The following CNKSR2 variants were observed in gnomAD, a reference collection of about 807,000 sequenced individuals.
CNKSR2 encodes the protein CNK homolog protein 2.
CNKSR2 carries 14 observed loss-of-function variants against 84.4 expected under a neutral mutation model. The ratio of observed to expected loss-of-function variants is 0.17; its 90% CI spans 0.11 to 0.26. The LOEUF is 0.26. Among genes scored for constraint, CNKSR2 ranks in the 10% least tolerant of loss-of-function variants. The pLI, the probability that CNKSR2 is intolerant of heterozygous loss-of-function variation, is 1.00. For missense variants in CNKSR2, 485 were observed against 771.2 expected, an observed-to-expected ratio of 0.63 and a Z score of 4.40; for synonymous variants, 275 against 277.9, an observed-to-expected ratio of 0.99 and a Z score of 0.10.
At chrX:21,483,800 A>G (rs1368542924) in intron 5 of CNKSR2, among the ~76,000 whole-genome samples, 2 of 109,886 alleles carry the variant, frequency 1.8e-5, no homozygotes, top group African/African-American at 3.3e-5. Flanking sequence ...TCAAGTACTA[A>G]GATACTAAAC....
At position 21,516,993 on chromosome X, in the gene CNKSR2, A is replaced by G. The variant is rs150689063; in HGVS notation, c.957+362A>G. Among the ~76,000 whole-genome samples the G allele has an allele frequency of 9.7e-3, 1,082 of 111,973 alleles. 13 individuals are homozygous for G. The highest frequency in any genetic ancestry group is 0.032 in the African/African-American group (975 of 30,829). The stretch of plus-strand genomic sequence containing the variant: ...CCCACATACTCTTTTAGAAGAAGCT[A>G]AATGATAGTTTATAGAATTCTTTTA... On this transcript the variant is annotated intron_variant, in intron 9 of 21. Transcript: ENST00000379510.
At chrX:21,397,459 GTAGCTGTCTATGA>G (rs1234134509) in intron 1 of CNKSR2, among the ~76,000 whole-genome samples, 1 of 111,143 alleles carries the variant, frequency 9.0e-6, no homozygotes, top group African/African-American at 3.3e-5. Context: ...TATAATACAA[GTAGCTGTCTATGA>G]TACACCAAAA....
chrX:21,472,112 G>A (rs1191776820), intron 5 of CNKSR2, among the ~76,000 whole-genome samples: 1 of 111,541 alleles, frequency 9.0e-6, no homozygotes, highest in Non-Finnish European at 1.9e-5. Context: ...TTTACAAATT[G>A]TACTATCTTT....
chrX:21,484,265 C>G (rs909519549), intron 5 of CNKSR2, among the ~76,000 whole-genome samples: 7 of 111,418 alleles, frequency 6.3e-5, no homozygotes, highest in African/African-American at 2.3e-4. Context: ...CCCTCCAGCC[C>G]TGGCGACAGA....
intron 11 of CNKSR2, among the ~76,000 whole-genome samples, chrX:21,547,030 A>G (rs548492049): frequency 8.9e-6 from 1 of 112,001 alleles, no homozygotes; most frequent in Non-Finnish European, 1.9e-5. Context: ...CTAATGGGCA[A>G]AATAACCAGC....
At chrX:21,557,208 A>G (rs2092147575) in intron 11 of CNKSR2, among the ~76,000 whole-genome samples, 1 of 111,296 alleles carries the variant, frequency 9.0e-6, no homozygotes. Flanking sequence ...AATGTTGTAC[A>G]CTAGCATTAA....
chrX:21,400,754 A>G (rs2090180338), intron 1 of CNKSR2, among the ~76,000 whole-genome samples: 1 of 111,464 alleles, frequency 9.0e-6, no homozygotes, highest in African/African-American at 3.2e-5. Flanking sequence ...CTGTTCTATG[A>G]ACAAAAAGTT....
At chrX:21,423,109 T>C (rs2147045637) in intron 1 of CNKSR2, among the ~76,000 whole-genome samples, 1 of 111,843 alleles carries the variant, frequency 8.9e-6, no homozygotes, top group South Asian at 3.8e-4. Flanking sequence ...TAAATATATA[T>C]TAAACAAAGA....
intron 11 of CNKSR2, chrX:21,538,376 T>C (rs2091948626): frequency 8.9e-6 from 1 of 111,928 alleles, no homozygotes. Flanking sequence ...TTCTGTGTCT[T>C]TGACTTTTGA....
intron 13 of CNKSR2, among the ~76,000 whole-genome samples, chrX:21,565,565 A>T (rs769105479): frequency 1.8e-5 from 2 of 111,367 alleles, no homozygotes; most frequent in South Asian, 7.6e-4. Flanking sequence ...GTTGACATCT[A>T]TCTCAACTAA....
intron 11 of CNKSR2, among the ~76,000 whole-genome samples, chrX:21,561,182 TA>T (rs61507460): frequency 0.25 from 23,190 of 92,296 alleles, 2,329 homozygotes; most frequent in Middle Eastern, 0.36. Flanking sequence ...TTATCTTCTT[TA>T]AAAAAAAAAA....
intron 1 of CNKSR2, among the ~76,000 whole-genome samples, chrX:21,400,883 G>T (rs2090182214): frequency 9.0e-6 from 1 of 111,399 alleles, no homozygotes; most frequent in Admixed American, 9.6e-5. Flanking sequence ...GTTTCATTAT[G>T]TGTGGGCTGA....
rs762720027 is a variant in CNKSR2, at chrX:21,446,423, A to G, written c.519+5642A>G. Among the ~76,000 whole-genome samples, 293 of 111,445 alleles carry G rather than the reference A, an allele frequency of 2.6e-3. 2 individuals carry two copies. Among genetic ancestry groups the G allele is most frequent in the African/African-American group, 8.8e-3 (271 of 30,839 alleles). The stretch of plus-strand genomic sequence containing the variant: ...GAAATTCTCATTCATGATATTAAAT[A>G]CCTAATTTTTGGCAGCTGCATATTT... On this transcript the variant is annotated intron_variant, in intron 4 of 21. Transcript: ENST00000379510.
intron 13 of CNKSR2, among the ~76,000 whole-genome samples, chrX:21,567,791 G>T (rs1251045961): frequency 1.3e-5 from 1 of 78,723 alleles, no homozygotes; most frequent in African/African-American, 4.8e-5. Context: ...AGAAGTTTTT[G>T]TGTGGTGTGT....
intron 5 of CNKSR2, among the ~76,000 whole-genome samples, chrX:21,476,950 G>A (rs1452714597): frequency 8.9e-6 from 1 of 111,818 alleles, no homozygotes; most frequent in East Asian, 2.8e-4. Flanking sequence ...GAGTTACAGA[G>A]AATCTGGAAT....
rs143427074 is a variant in CNKSR2 at position 21,381,910 on chromosome X, C to G, written c.64+6949C>G. Among the ~76,000 whole-genome samples, 14 of 111,690 alleles carry G rather than the reference C, an allele frequency of 1.3e-4. No homozygotes were observed. The East Asian group carries it at 3.4e-3, about 27-fold the overall frequency. On this transcript the variant is annotated intron_variant, in intron 1 of 21. Coordinates refer to ENST00000379510, the MANE Select transcript of CNKSR2 (RefSeq NM_014927.5). ...TATGCTGTCCTAGTACCATGTATAT[C>G]TCCTGTGTCCCATTCACCAGTTTTA... is the stretch of plus-strand genomic sequence containing the variant.
At chrX:21,409,928 A>G (rs2090319458) in intron 1 of CNKSR2, among the ~76,000 whole-genome samples, 1 of 111,197 alleles carries the variant, frequency 9.0e-6, no homozygotes, top group Non-Finnish European at 1.9e-5. Context: ...GATGTCTGAG[A>G]AATATTTGTT....
chrX:21,630,287 A>G (rs1230570074), intron 20 of CNKSR2, among the ~76,000 whole-genome samples: 1 of 112,484 alleles, frequency 8.9e-6, no homozygotes, highest in Non-Finnish European at 1.9e-5. Flanking sequence ...AAAATACTAA[A>G]GTAGAATTGC....
intron 8 of CNKSR2, chrX:21,505,055 CA>C: frequency 4.0e-6 from 1 of 248,122 alleles, no homozygotes. Context: ...ACTTTTAACA[CA>C]TTTTTTTAGC....
Sources: gnomAD v4.1 joint callset for allele counts (sites outside exome capture counted in the v4.1 genomes callset) on GRCh38, gnomAD v4.1.1 for gene constraint, MANE v1.5 for transcripts, NCBI Gene and HGNC (gene_info 2026-07-23, HGNC 2026-07-21) for gene names.